PRIM2: variants seen among roughly 807,000 people sequenced by gnomAD.
PRIM2 encodes the protein DNA primase large subunit.
A neutral mutation model predicts 67.3 loss-of-function variants in PRIM2; 39 were observed. That is an observed-to-expected ratio of 0.58 (90% confidence interval 0.45 to 0.76). The LOEUF (loss-of-function observed/expected upper bound fraction) is 0.76, where lower values mean the gene tolerates loss of function less well. Among genes scored for constraint, PRIM2 ranks in the 30% least tolerant of loss-of-function variants. The pLI is 0.00. For missense variants in PRIM2, 398 were observed against 598.7 expected (o/e 0.66, Z 3.50); for synonymous variants, 143 against 198.7 (o/e 0.72, Z 2.36).
intron 7 of PRIM2, among the ~76,000 whole-genome samples, chr6:57,408,524 G>T (rs1770977128): frequency 6.6e-6 from 1 of 152,036 alleles, no homozygotes; most frequent in African/African-American, 2.4e-5. Flanking sequence ...ATTTTATTGT[G>T]CTTTTGTACA....
chr6:57,609,268 A>T (rs1776621267), intron 12 of PRIM2, among the ~76,000 whole-genome samples: 1 of 152,236 alleles, frequency 6.6e-6, no homozygotes, highest in Admixed American at 6.5e-5. Flanking sequence ...TGACAGAGAA[A>T]GGCATACCCC....
chr6:57,518,637 C>T (rs1774538772), intron 8 of PRIM2, among the ~76,000 whole-genome samples: 2 of 152,198 alleles, frequency 1.3e-5, no homozygotes, highest in South Asian at 4.2e-4. Context: ...TTCCAAGCTG[C>T]TAAATATTGA....
chr6:57,624,511 T>G (rs1258340560), intron 12 of PRIM2, among the ~76,000 whole-genome samples: 1 of 152,234 alleles, frequency 6.6e-6, no homozygotes, highest in Admixed American at 6.5e-5. Context: ...ATATTCAGAG[T>G]GCCAGAGGGG....
chr6:57,536,238 A>G lies in PRIM2; in HGVS notation c.835-1202A>G, dbSNP rs1349935380. Among the ~76,000 whole-genome samples the G allele has an allele frequency of 9.4e-3, 1,430 of 152,336 alleles. 25 individuals carry two copies. Among genetic ancestry groups the G allele is most frequent in the African/African-American group, 0.033 (1,355 of 41,574 alleles). On this transcript the variant is annotated intron_variant, in intron 9 of 13. Coordinates refer to ENST00000615550, the MANE Select transcript of PRIM2 (RefSeq NM_000947.5). ...AAGTGAACTTGCTAAGGCATATGTG[A>G]GGGAGTAAGAATTTAAGTCTTGGGA... is the stretch of plus-strand genomic sequence containing the variant.
chr6:57,642,435 C>CTTTTTTTTTTTTTTTTTTTTTTTTTT (rs1156576933), intron 13 of PRIM2, among the ~76,000 whole-genome samples: 2 of 83,184 alleles, frequency 2.4e-5, no homozygotes, highest in Non-Finnish European at 4.2e-5. Flanking sequence ...AATATTATAT[C>CTTTTTTTTTTTTTTTTTTTTTTTTTT]TTTTTTTTTT....
chr6:57,300,435 A>G, the PRIM2 span, among the ~76,000 whole-genome samples: 2 of 152,010 alleles, frequency 1.3e-5, no homozygotes, highest in South Asian at 2.1e-4. Flanking sequence ...GTGTGCCTGT[A>G]TGAGCTCGTG....
At chr6:57,289,890 G>A in the PRIM2 span, among the ~76,000 whole-genome samples, 1 of 152,122 alleles carries the variant, frequency 6.6e-6, no homozygotes, top group African/African-American at 2.4e-5. Context: ...TGAAGAAACT[G>A]CATCAATTAA....
At chr6:57,276,695 A>ACCAGCCTGAGCAACATGGTGAAAC in the PRIM2 span, among the ~76,000 whole-genome samples, 2 of 151,850 alleles carry the variant, frequency 1.3e-5, no homozygotes, top group Non-Finnish European at 2.9e-5. Context: ...GAAGTTTGAG[A>ACCAGCCTGAGCAACATGGTGAAAC]CCAGCCTGAG....
intron 10 of PRIM2, among the ~76,000 whole-genome samples, chr6:57,578,116 AT>A (rs1241536343): frequency 3.9e-5 from 6 of 152,170 alleles, no homozygotes; most frequent in Admixed American, 3.3e-4. Context: ...GATTGAGGTC[AT>A]GCATTTTTGG....
intron 12 of PRIM2, among the ~76,000 whole-genome samples, chr6:57,615,755 G>A (rs1776744998): frequency 6.6e-6 from 1 of 152,154 alleles, no homozygotes; most frequent in Non-Finnish European, 1.5e-5. Flanking sequence ...AATAACAGTT[G>A]TGGTGATGCA....
At chr6:57,283,658 T>C in the PRIM2 span, among the ~76,000 whole-genome samples, 1 of 152,118 alleles carries the variant, frequency 6.6e-6, no homozygotes, top group African/African-American at 2.4e-5. Flanking sequence ...CACTTGAGCA[T>C]TATGAAGAAA....
intron 10 of PRIM2, among the ~76,000 whole-genome samples, chr6:57,592,900 G>A (rs1776306026): frequency 1.3e-5 from 2 of 152,142 alleles, no homozygotes; most frequent in Admixed American, 6.5e-5. Flanking sequence ...GCAAAGAGAT[G>A]TTTATACCAT....
chr6:57,537,032 A>G (rs1775015728), intron 9 of PRIM2, among the ~76,000 whole-genome samples: 1 of 152,222 alleles, frequency 6.6e-6, no homozygotes, highest in African/African-American at 2.4e-5. Context: ...TATCAATGTC[A>G]GTATCCTGTT....
chr6:57,248,937 C>G, the PRIM2 span, among the ~76,000 whole-genome samples: 8 of 152,314 alleles, frequency 5.3e-5, no homozygotes, highest in African/African-American at 1.9e-4. Context: ...TTCAAAATAA[C>G]AGAATTTATT....
Position 57,356,418 on chromosome 6 carries a change from G to A in PRIM2, c.460-23483G>A, listed in dbSNP as rs545409559. Among the ~76,000 whole-genome samples, 197 of 152,224 alleles carry A rather than the reference G, an allele frequency of 1.3e-3. 5 individuals carry two copies. In the East Asian group the frequency reaches 0.017, roughly 13 times the overall value. On this transcript the variant is annotated intron_variant, in intron 5 of 13. Transcript: ENST00000615550. ...CCATTCTAGCTTTTGTATGAGATTT[G>A]CAAATGATAATGTATAGGGAGAACA...
the PRIM2 span, among the ~76,000 whole-genome samples, chr6:57,292,108 G>A: frequency 6.6e-6 from 1 of 152,118 alleles, no homozygotes; most frequent in African/African-American, 2.4e-5. Flanking sequence ...CATCGTCTCG[G>A]CCCCAAATCT....
chr6:57,430,708 A>G (rs1771798181), intron 7 of PRIM2, among the ~76,000 whole-genome samples: 1 of 151,850 alleles, frequency 6.6e-6, no homozygotes, highest in African/African-American at 2.4e-5. Context: ...TAATCTGCCC[A>G]CCTTGGCCTC....
rs1259151160 is a variant in PRIM2 at position 57,546,912 on chromosome 6, A to G, written c.1020+9287A>G. On this transcript the variant is annotated intron_variant, in intron 10 of 13. Coordinates refer to ENST00000615550, the MANE Select transcript of PRIM2 (RefSeq NM_000947.5). The stretch of plus-strand genomic sequence containing the variant: ...TAAATTGTTGAATTTGAATATTGAT[A>G]TATTTAAAATGTTAAAATAAAGCTC... Among the ~76,000 whole-genome samples, 4 of 152,206 alleles carry G rather than the reference A, an allele frequency of 2.6e-5. 1 individual carries two copies. The highest frequency in any genetic ancestry group is 4.4e-5 in the Non-Finnish European group (3 of 68,032).
rs1287505138 is a variant in PRIM2 at position 57,416,217 on chromosome 6, A to G, written c.693+34049A>G. On this transcript the variant is annotated intron_variant, in intron 7 of 13. Coordinates refer to ENST00000615550, the MANE Select transcript of PRIM2 (RefSeq NM_000947.5). ...AGCAGAATGGATATTGTGTTAGCAGATATGAAGACACTAATCTCCTTGTAC... is the reference window on the plus strand; with the variant it reads ...AGCAGAATGGATATTGTGTTAGCAGGTATGAAGACACTAATCTCCTTGTAC... 4.6e-5 allele frequency among the ~76,000 whole-genome samples: 7 copies of G among 152,220 alleles called. No homozygotes were observed. In the East Asian group the frequency reaches 9.6e-4, roughly 21 times the overall value.
Sources: allele counts gnomAD v4.1 joint callset (sites outside exome capture counted in the v4.1 genomes callset), GRCh38; gene constraint gnomAD v4.1.1; transcripts MANE v1.5; gene names NCBI Gene and HGNC (gene_info 2026-07-23, HGNC 2026-07-21).